The following KIRREL1 variants were observed in gnomAD, a reference collection of about 807,000 sequenced individuals.
KIRREL1 encodes kirre like nephrin family adhesion molecule 1.
In KIRREL1, 25 loss-of-function variants were observed where a neutral mutation model predicts 83.3. That is an observed-to-expected ratio of 0.30 (90% confidence interval 0.22 to 0.42). KIRREL1 has a LOEUF of 0.42. Ranked by LOEUF, KIRREL1 falls within the 10% of genes least tolerant of loss-of-function variation. The probability of loss-of-function intolerance (pLI) is 1.00; values close to 1 mark genes in which losing one functional copy is unlikely to be tolerated. For missense variants in KIRREL1, 812 were observed against 1,032.3 expected (o/e 0.79, Z 2.92); for synonymous variants, 388 against 410.4 (o/e 0.95, Z 0.66).
intron 1 of KIRREL1, among the ~76,000 whole-genome samples, chr1:158,056,239 C>T (rs558199130): frequency 5.0e-4 from 76 of 152,364 alleles, no homozygotes; most frequent in African/African-American, 1.6e-3. Context: ...TCTTCCAGGG[C>T]GCTCTTTCCC....
rs1218198001 is a variant in KIRREL1, at chr1:158,029,369, A to ATGTGTG, written c.52+35641_52+35642insTGTGTG. 2.3e-3 allele frequency among the ~76,000 whole-genome samples: 334 copies of ATGTGTG among 145,200 alleles called. 4 individuals carry two copies. The highest frequency in any genetic ancestry group is 7.8e-3 in the East Asian group (38 of 4,860). On this transcript the variant is annotated intron_variant, in intron 1 of 14. Transcript: ENST00000359209. ...TGTGTGTGTGTGTGTGTGTGTGTGC[A>ATGTGTG]CGTGCGCGCGCATGCACACATGCAT...
At chr1:158,085,827 G>A (rs781250020) in intron 4 of KIRREL1, among the ~76,000 whole-genome samples, 1 of 152,122 alleles carries the variant, frequency 6.6e-6, no homozygotes, top group Non-Finnish European at 1.5e-5. Context: ...GTAAGACTTC[G>A]AGCCTGTGAG....
intron 1 of KIRREL1, among the ~76,000 whole-genome samples, chr1:158,010,495 G>GGGGACCTGGACCAACGGTGT (rs1241312484): frequency 6.7e-6 from 1 of 150,350 alleles, no homozygotes; most frequent in Non-Finnish European, 1.5e-5. Context: ...CCTGGAAGGT[G>GGGGACCTGGACCAACGGTGT]GGGACCTGGA....
chr1:158,085,685 T>C (rs76537384), intron 4 of KIRREL1, among the ~76,000 whole-genome samples: 2,739 of 152,328 alleles, frequency 0.018, 82 homozygotes, highest in African/African-American at 0.062. Context: ...CAAAGCTGCA[T>C]GCATGGTGGT....
chr1:158,080,333 G>A (rs1418663721), intron 3 of KIRREL1, among the ~76,000 whole-genome samples: 1 of 152,180 alleles, frequency 6.6e-6, no homozygotes, highest in Non-Finnish European at 1.5e-5. Flanking sequence ...AAGTGTTGCA[G>A]TAACAATGTC....
At position 158,089,618 on chromosome 1, in the gene KIRREL1, C is replaced by G; in HGVS notation, c.1161C>G (p.Leu387=). The G allele has an allele frequency of 3.7e-6, 6 of 1,613,594 alleles. No individual in the cohort carries two copies. The South Asian group carries it at 5.5e-5, about 15-fold the overall frequency. ...RIGVAEREVP[L]YVNGPPIISS... is the part of the protein sequence containing the mutation. ...GAGTGGCTGAGCGGGAGGTGCCGCT[C>G]TATGTGAACGGTGAGTGAGTGGCCT... Residue 387 remains leucine, a synonymous_variant, in exon 9 of 15, where the codon CTC becomes CTG. Transcript: ENST00000359209.
chr1:158,052,383 A>C (rs1290145755), intron 1 of KIRREL1, among the ~76,000 whole-genome samples: 1 of 152,186 alleles, frequency 6.6e-6, no homozygotes, highest in Non-Finnish European at 1.5e-5. Flanking sequence ...TCCTCTATGA[A>C]GACTACCTGA....
intron 1 of KIRREL1, among the ~76,000 whole-genome samples, chr1:158,029,932 A>G (rs552599494): frequency 6.6e-6 from 1 of 152,366 alleles, no homozygotes; most frequent in Admixed American, 6.5e-5. Context: ...TACGTAGTAC[A>G]AAATATAAAA....
In KIRREL1 at chr1:158,029,366, T is replaced by TGTGTGTGTGC. The variant is rs1553238087; in HGVS notation, c.52+35639_52+35640insTGTGTGTGCG. ...GTGTGTGTGTGTGTGTGTGTGTGTG[T>TGTGTGTGTGC]GCACGTGCGCGCGCATGCACACATG... On this transcript the variant is annotated intron_variant, in intron 1 of 14. Transcript: ENST00000359209. 8.5e-4 allele frequency among the ~76,000 whole-genome samples: 126 copies of TGTGTGTGTGC among 149,024 alleles called. 1 individual carries two copies. Among genetic ancestry groups the TGTGTGTGTGC allele is most frequent in the South Asian group, 1.7e-3 (8 of 4,686 alleles).
intron 1 of KIRREL1, among the ~76,000 whole-genome samples, chr1:158,064,737 G>A (rs1023831374): frequency 3.3e-5 from 5 of 152,208 alleles, no homozygotes; most frequent in African/African-American, 4.8e-5. Flanking sequence ...TGTGTTATGG[G>A]CATGTCTAGT....
intron 1 of KIRREL1, among the ~76,000 whole-genome samples, chr1:158,053,692 C>G (rs1357810251): frequency 6.6e-6 from 1 of 152,178 alleles, no homozygotes; most frequent in Admixed American, 6.5e-5. Flanking sequence ...TGATGATTGA[C>G]CTGAGCCTCA....
Position 158,096,949 on chromosome 1 carries a change from C to T in KIRREL1, c.*1829C>T, listed in dbSNP as rs1480247855. The stretch of plus-strand genomic sequence containing the variant: ...TTATCAGCCACAGGCCATTACCACC[C>T]TTATGGATGGGTCTGGGGGGCGACA... On this transcript the variant is annotated 3_prime_UTR_variant, in exon 15 of 15. Coordinates refer to ENST00000359209, the MANE Select transcript of KIRREL1 (RefSeq NM_018240.7). 2 of 456,774 alleles carry T rather than the reference C, an allele frequency of 4.4e-6. No individual in the cohort carries two copies. The highest frequency in any genetic ancestry group is 6.9e-5 in the East Asian group (1 of 14,394). The allele number at this position is 456,774 out of a possible 1,614,324, so 28.3% of individuals were successfully genotyped here. A position where few individuals can be genotyped will look rare whatever the true frequency, so the allele number is the denominator to read the frequency against.
chr1:158,065,226 T>TG (rs1244861581), intron 1 of KIRREL1, among the ~76,000 whole-genome samples: 1 of 152,158 alleles, frequency 6.6e-6, no homozygotes, highest in Non-Finnish European at 1.5e-5. Context: ...AGAGAGGGTC[T>TG]GGGACAAGCC....
At chr1:158,074,351 A>G (rs1661607088) in intron 1 of KIRREL1, among the ~76,000 whole-genome samples, 1 of 152,198 alleles carries the variant, frequency 6.6e-6, no homozygotes, top group Admixed American at 6.5e-5. Context: ...TCTGGTTATC[A>G]GTCCACTCTA....
At chr1:158,076,018 A>G (rs1661669636) in intron 1 of KIRREL1, 95 bp from the exon 2 acceptor site, 2 of 1,205,262 alleles carry the variant, frequency 1.7e-6, no homozygotes, top group African/African-American at 1.5e-5. Flanking sequence ...CCCCAACTGG[A>G]GGCTCTCCCT....
chr1:158,022,176 TAAAC>T (rs1395068364), intron 1 of KIRREL1, among the ~76,000 whole-genome samples: 6 of 151,982 alleles, frequency 3.9e-5, no homozygotes, highest in African/African-American at 1.5e-4. Context: ...TCTGGGCACA[TAAAC>T]CTGGGGAAGG....
chr1:158,094,704 G>C lies in KIRREL1; in HGVS notation c.1858G>C (p.Val620Leu), dbSNP rs758675711. ...AHEDRPSSRA[V>L]LYADYRAPGP... ...TGAAGACCGCCCGTCTTCCAGGGCA[G>C]TGCTCTATGCTGACTACCGTGCCCC... Residue 620 changes from valine to leucine, a missense_variant, in exon 15 of 15, where the codon GTG becomes CTG. Transcript: ENST00000359209. This position sits in a 1 kb window ranked among gnomAD's most constrained non-coding sequence, Gnocchi z 4.6. The C allele has an allele frequency of 6.2e-6, 10 of 1,612,182 alleles. No individual in the cohort carries two copies. In the East Asian group the frequency reaches 2.2e-4, roughly 36 times the overall value.
chr1:158,050,884 C>T (rs1284084453), intron 1 of KIRREL1, among the ~76,000 whole-genome samples: 1 of 152,190 alleles, frequency 6.6e-6, no homozygotes, highest in Admixed American at 6.5e-5. Flanking sequence ...CAGATATTTG[C>T]TCTAAGATTA....
chr1:158,028,218 G>A (rs4971180), intron 1 of KIRREL1, among the ~76,000 whole-genome samples: 125,325 of 152,106 alleles, frequency 0.82, 52,718 homozygotes, highest in Non-Finnish European at 0.91. Context: ...TGCAGGAACT[G>A]AGACTTTATT....
Sources: gnomAD v4.1 joint callset for allele counts (sites outside exome capture counted in the v4.1 genomes callset) on GRCh38, gnomAD v4.1.1 for gene constraint, Gnocchi (gnomAD v3.1) non-coding constraint, MANE v1.5 for transcripts, NCBI Gene and HGNC (gene_info 2026-07-23, HGNC 2026-07-21) for gene names.